The following FOXI3 variants were observed in gnomAD, a reference collection of about 807,000 sequenced individuals.
FOXI3 encodes forkhead box protein I3.
In FOXI3, 4 loss-of-function variants were observed where a neutral mutation model predicts 15.6. That is an observed-to-expected ratio of 0.26 (90% CI 0.13 to 0.59). The LOEUF (loss-of-function observed/expected upper bound fraction) is 0.59. Ranked by LOEUF, FOXI3 falls within the 20% of genes least tolerant of loss-of-function variation. The pLI, the probability that FOXI3 is intolerant of heterozygous loss-of-function variation, is 0.90. For missense variants in FOXI3, 489 were observed against 548.2 expected (o/e 0.89, Z 1.08); for synonymous variants, 238 against 244.4 (o/e 0.97, Z 0.25).
rs1434917966 is a variant in FOXI3 at position 88,448,615 on chromosome 2, G to A, written c.855C>T (p.Ser285=). 6.4e-7 allele frequency: 1 copy of A among 1,551,628 alleles called. No homozygotes were observed. The highest frequency in any genetic ancestry group is 2.0e-5 in the Admixed American group (1 of 50,994). The change falls in exon 2 of 2, where the codon TCC becomes TCT. Residue 285 remains serine, a synonymous_variant. Coordinates refer to ENST00000428390, the MANE Select transcript of FOXI3 (RefSeq NM_001135649.3). ...EESPSTLLRP[S]HSPEPPEGTK... ...TGCCCTCCGGAGGCTCTGGGGAGTG[G>A]GAAGGCCTCAGCAGAGTGGAGGGGC...
chr2:88,450,465 T>C (rs1200856605), intron 1 of FOXI3, among the ~76,000 whole-genome samples: 2 of 150,942 alleles, frequency 1.3e-5, no homozygotes, highest in Non-Finnish European at 2.9e-5. Flanking sequence ...AACTAACCAC[T>C]GGGCTAAGCC....
At position 88,448,331 on chromosome 2, in the gene FOXI3, G is replaced by A. The variant is rs1357446026; in HGVS notation, c.1139C>T (p.Ser380Phe). 1.3e-6 allele frequency: 2 copies of A among 1,551,728 alleles called. No individual in the cohort carries two copies. The highest frequency in any genetic ancestry group is 1.7e-6 in the Non-Finnish European group (2 of 1,147,006). ...GGCAGGGAAAGGGCTGTAATAGGAAGATCTCTGGCCGGTGCTATTGCTGGT... is the reference window on the plus strand; with the variant it reads ...GGCAGGGAAAGGGCTGTAATAGGAAAATCTCTGGCCGGTGCTATTGCTGGT... ...NSTSNSTGQR[S>F]SYYSPFPAST... The change falls in exon 2 of 2, where the codon TCT (serine) becomes TTT (phenylalanine). Residue 380 changes from serine (S) to phenylalanine (F), a missense_variant. Physicochemically the swap from Ser to Phe is radical, Grantham distance 155 (BLOSUM62 -2). Transcript: ENST00000428390.
Position 88,447,316 on chromosome 2 carries a change from A to T in FOXI3, c.*891T>A, listed in dbSNP as rs577833200. On this transcript the variant is annotated 3_prime_UTR_variant, in exon 2 of 2. Coordinates refer to ENST00000428390, the MANE Select transcript of FOXI3 (RefSeq NM_001135649.3). ...TCAAGGATTTGTGGTGTTGCCTAGG[A>T]CAGTATGATAAACAACCAAAAAAAA... 1 of 152,356 alleles carries T rather than the reference A, an allele frequency of 6.6e-6. No individual in the cohort carries two copies. The highest frequency in any genetic ancestry group is 6.5e-5 in the Admixed American group (1 of 15,296). The allele number at this position is 152,356 out of a possible 1,614,324, so 9.4% of individuals were successfully genotyped here. A position where few individuals can be genotyped will look rare whatever the true frequency, so the allele number is the denominator to read the frequency against.
Position 88,451,773 on chromosome 2 carries a change from C to G in FOXI3, c.640+123G>C. 3 of 1,424,092 alleles carry G rather than the reference C, an allele frequency of 2.1e-6. No homozygotes were observed. In the South Asian group the frequency reaches 3.8e-5, roughly 18 times the overall value. 88.2% of individuals were successfully genotyped at this position (1,424,092 alleles called of 1,614,324 possible). A position where few individuals can be genotyped will look rare whatever the true frequency, so the allele number is the denominator to read the frequency against. On this transcript the variant is annotated intron_variant, in intron 1 of 1. Transcript: ENST00000428390. ...TGGGTGGTTATTCCTCCATCCGCTC[C>G]CACCCGCAGCCTGGACAAGAAGACT...
intron 1 of FOXI3, among the ~76,000 whole-genome samples, chr2:88,451,194 G>GT (rs1168044090): frequency 6.6e-6 from 1 of 152,134 alleles, no homozygotes. Flanking sequence ...TCACTCCACT[G>GT]TAACACAGAC....
At position 88,446,846 on chromosome 2, in the gene FOXI3, C is replaced by G. The variant is rs1224467031; in HGVS notation, c.*1361G>C. On this transcript the variant is annotated 3_prime_UTR_variant, in exon 2 of 2. Transcript: ENST00000428390. The stretch of plus-strand genomic sequence containing the variant: ...ATCTTTGGTCAAATGAGATCTAGCT[C>G]CATTCCTTCCCTCTATATACTTATA... 6.6e-6 allele frequency: 1 copy of G among 152,126 alleles called. No individual in the cohort carries two copies. Among genetic ancestry groups the G allele is most frequent in the Non-Finnish European group, 1.5e-5 (1 of 68,036 alleles). The allele number at this position is 152,126 out of a possible 1,614,324, so 9.4% of individuals were successfully genotyped here. A position where few individuals can be genotyped will look rare whatever the true frequency, so the allele number is the denominator to read the frequency against.
In FOXI3 at chr2:88,452,507, C is replaced by G; in HGVS notation, c.29G>C (p.Gly10Ala). The G allele has an allele frequency of 9.2e-7, 1 of 1,085,874 alleles. No homozygotes were observed. The highest frequency in any genetic ancestry group is 1.1e-6 in the Non-Finnish European group (1 of 895,194). The allele number at this position is 1,085,874 out of a possible 1,614,324, so 67.3% of individuals were successfully genotyped here. The change falls in exon 1 of 2, where the codon GGA (glycine) becomes GCA (alanine). Residue 10 changes from glycine (G) to alanine (A), a missense_variant. Physicochemically the swap from Gly to Ala is moderately conservative, Grantham distance 60. Around this residue, in one of 3 missense-constraint regions of FOXI3, gnomAD observed 224 missense variants for 245.7 expected, o/e 0.91. Transcript: ENST00000428390. ...GGGCAGGCCGGGCTGCGAATACACT[C>G]CGAAGTTGTCGCCGCAGTAGAGGGC... The part of the protein sequence containing the change: MALYCGDNF[G>A]VYSQPGLPPP...
rs1249005767 is a variant in FOXI3, at chr2:88,451,989, G to C, written c.547C>G (p.Gln183Glu). 1.2e-6 allele frequency: 2 copies of C among 1,612,134 alleles called. No homozygotes were observed. The highest frequency in any genetic ancestry group is 4.5e-5 in the East Asian group (2 of 44,804). Residue 183 changes from glutamine (Q) to glutamate (E), a missense_variant, in exon 1 of 2, where the codon CAG (glutamine) becomes GAG (glutamate). Physicochemically the swap from Gln to Glu is conservative, Grantham distance 29 (BLOSUM62 2). Transcript: ENST00000428390. ...QFVADSFPFYQRSKAGWQNSI... is the reference protein window; with the variant it reads ...QFVADSFPFYERSKAGWQNSI... ...TTCTGCCAGCCGGCCTTGCTGCGCT[G>C]GTAGAAGGGGAAGCTATCGGCGACG... is the stretch of plus-strand genomic sequence containing the variant.
At chr2:88,450,915 T>C (rs1008829356) in intron 1 of FOXI3, among the ~76,000 whole-genome samples, 3 of 152,218 alleles carry the variant, frequency 2.0e-5, no homozygotes, top group Non-Finnish European at 2.9e-5. Context: ...TTATTTAGTT[T>C]GTATCGTATT....
rs1675945263 is a variant in FOXI3 at position 88,446,799 on chromosome 2, A to G, written c.*1408T>C. The G allele has an allele frequency of 6.6e-6, 1 of 152,184 alleles. No homozygotes were observed. Among genetic ancestry groups the G allele is most frequent in the Non-Finnish European group, 1.5e-5 (1 of 68,036 alleles). 9.4% of individuals were successfully genotyped at this position (152,184 alleles called of 1,614,324 possible). A position where few individuals can be genotyped will look rare whatever the true frequency, so the allele number is the denominator to read the frequency against. ...GGTGCCACCCAGGGGAACACACCAG[A>G]TGACTTTTATTTTCAACTAGAATCT... On this transcript the variant is annotated 3_prime_UTR_variant, in exon 2 of 2. Transcript: ENST00000428390.
Position 88,451,932 on chromosome 2 carries a change from AGTC to A in FOXI3, c.601_603del (p.Asp201del). 1 of 1,613,880 alleles carries A rather than the reference AGTC, an allele frequency of 6.2e-7. No individual in the cohort carries two copies. The highest frequency in any genetic ancestry group is 8.5e-7 in the Non-Finnish European group (1 of 1,179,884). On this transcript the variant is annotated inframe_deletion, in exon 1 of 2. Transcript: ENST00000428390. ...TCGTCGCGGGGCACCTTCTTGAAGCAGTCGTTGAGCGACAGGTTGTGGCGGATG... is the reference window on the plus strand; with the variant it reads ...TCGTCGCGGGGCACCTTCTTGAAGCAGTTGAGCGACAGGTTGTGGCGGATG...
intron 1 of FOXI3, among the ~76,000 whole-genome samples, chr2:88,449,364 C>T (rs1016853520): frequency 2.0e-5 from 3 of 152,192 alleles, no homozygotes; most frequent in African/African-American, 7.2e-5. Context: ...AAAAACAGCA[C>T]TTAACAATTA....
intron 1 of FOXI3, among the ~76,000 whole-genome samples, chr2:88,449,456 A>T (rs577231415): frequency 3.9e-5 from 6 of 152,334 alleles, no homozygotes; most frequent in South Asian, 4.1e-4. Flanking sequence ...GACAAAAAAA[A>T]TTATTACTGA....
rs1246099380 is a variant in FOXI3, at chr2:88,446,856, C to T, written c.*1351G>A. On this transcript the variant is annotated 3_prime_UTR_variant, in exon 2 of 2. Coordinates refer to ENST00000428390, the MANE Select transcript of FOXI3 (RefSeq NM_001135649.3). ...AAATGAGATCTAGCTCCATTCCTTC[C>T]CTCTATATACTTATAACTGGCTATG... 1 of 152,040 alleles carries T rather than the reference C, an allele frequency of 6.6e-6. No homozygotes were observed. The highest frequency in any genetic ancestry group is 1.5e-5 in the Non-Finnish European group (1 of 68,022). 9.4% of individuals were successfully genotyped at this position (152,040 alleles called of 1,614,324 possible). A position where few individuals can be genotyped will look rare whatever the true frequency, so the allele number is the denominator to read the frequency against.
chr2:88,451,834 G>C, intron 1 of FOXI3, 62 bp downstream of exon 1: 4 of 1,563,232 alleles, frequency 2.6e-6, no homozygotes, highest in Non-Finnish European at 3.5e-6. Flanking sequence ...CGACCCCTGC[G>C]CCGGCCCTTG....
rs62159760 is a variant in FOXI3, at chr2:88,447,762, T to C, written c.*445A>G. ...AAGAACCAGCTGTTCCCAGCAGCCT[T>C]CTACTAGTCAGTCCCAACTACCCTC... is the stretch of plus-strand genomic sequence containing the variant. On this transcript the variant is annotated 3_prime_UTR_variant, in exon 2 of 2. Transcript: ENST00000428390. 6,305 of 168,594 alleles carry C rather than the reference T, an allele frequency of 0.037. 175 individuals carry two copies. Among genetic ancestry groups the C allele is most frequent in the Non-Finnish European group, 0.058 (4,461 of 76,510 alleles). The allele number at this position is 168,594 out of a possible 1,614,324, so 10.4% of individuals were successfully genotyped here.
chr2:88,450,823 T>C (rs916774688), intron 1 of FOXI3, among the ~76,000 whole-genome samples: 2 of 152,232 alleles, frequency 1.3e-5, no homozygotes, highest in Admixed American at 6.5e-5. Flanking sequence ...ACAAGGGATT[T>C]TGAAGACTTA....
chr2:88,450,898 T>C (rs1478459472), intron 1 of FOXI3, among the ~76,000 whole-genome samples: 1 of 152,198 alleles, frequency 6.6e-6, no homozygotes, highest in African/African-American at 2.4e-5. Context: ...TGAAACAATA[T>C]TTTGGATTAT....
In FOXI3 at chr2:88,452,389, G is replaced by T; in HGVS notation, c.147C>A (p.Ala49=). The T allele has an allele frequency of 9.1e-6, 9 of 991,278 alleles. No homozygotes were observed. The highest frequency in any genetic ancestry group is 1.1e-5 in the Non-Finnish European group (9 of 835,532). The allele number at this position is 991,278 out of a possible 1,614,324, so 61.4% of individuals were successfully genotyped here. A position where few individuals can be genotyped will look rare whatever the true frequency, so the allele number is the denominator to read the frequency against. Residue 49 remains alanine, a synonymous_variant, in exon 1 of 2, where the codon GCC becomes GCA. Coordinates refer to ENST00000428390, the MANE Select transcript of FOXI3 (RefSeq NM_001135649.3). ...LADYAAPPAA[A]ANPYLWLNGP... ...CGTTGAGCCACAGGTAGGGGTTGGC[G>T]GCGGCGGCCGGCGGCGCGGCGTAGT...
Sources: allele counts gnomAD v4.1 joint callset (sites outside exome capture counted in the v4.1 genomes callset), GRCh38; gene constraint gnomAD v4.1.1; regional missense constraint gnomAD v4.1.1; transcripts MANE v1.5; gene names NCBI Gene and HGNC (gene_info 2026-07-23, HGNC 2026-07-21).